TM2D1: variants seen among roughly 807,000 people sequenced by gnomAD.
TM2D1 encodes TM2 domain containing 1, also known as TM2 domain-containing protein 1.
In TM2D1, 15 loss-of-function variants were observed where a neutral mutation model predicts 28.4. The ratio of observed to expected loss-of-function variants is 0.53; its 90% CI spans 0.35 to 0.81. The LOEUF (loss-of-function observed/expected upper bound fraction) is 0.81. TM2D1 is among the 40% of genes least tolerant of loss of function. The pLI is 0.01. For synonymous variants in TM2D1, 93 were observed against 96.2 expected, an observed-to-expected ratio of 0.97 and a Z score of 0.20; for missense variants, 236 against 254.9, an observed-to-expected ratio of 0.93 and a Z score of 0.50.
intron 3 of TM2D1, among the ~76,000 whole-genome samples, chr1:61,703,058 A>G (rs950444307): frequency 6.6e-6 from 1 of 151,598 alleles, no homozygotes; most frequent in Admixed American, 6.6e-5. Context: ...GTGAGCCAAG[A>G]TCACGCCATT....
chr1:61,683,452 G>T lies in TM2D1; in HGVS notation c.608C>A (p.Thr203Lys), dbSNP rs377583831. The change falls in exon 6 of 7, where the codon ACG becomes AAG. Residue 203 changes from threonine to lysine, a missense_variant. Around this residue, in one of 3 missense-constraint regions of TM2D1, gnomAD observed 64 missense variants for 73.1 expected, o/e 0.88. Coordinates refer to ENST00000606498, the MANE Select transcript of TM2D1 (RefSeq NM_032027.3). ...AAAAAATATTTATGGATATAATTGC[G>T]TTTTTCTAAATGTTTCATTAGTAAT... The part of the protein sequence containing the change: ...LSITNETFRK[T>K]QLYP 5 of 1,432,954 alleles carry T rather than the reference G, an allele frequency of 3.5e-6. No homozygotes were observed. Among genetic ancestry groups the T allele is most frequent in the Middle Eastern group, 2.0e-4 (1 of 5,068 alleles). The allele number at this position is 1,432,954 out of a possible 1,614,324, so 88.8% of individuals were successfully genotyped here. A position where few individuals can be genotyped will look rare whatever the true frequency, so the allele number is the denominator to read the frequency against.
At chr1:61,723,678 AATT>A in intron 2 of TM2D1, 32 bp downstream of exon 2, 1 of 1,223,106 alleles carries the variant, frequency 8.2e-7, no homozygotes, top group Non-Finnish European at 1.1e-6. Flanking sequence ...ATGTTTTTAA[AATT>A]ATTTTTAAAG....
chr1:61,705,544 T>G (rs1644434472), intron 3 of TM2D1, among the ~76,000 whole-genome samples: 1 of 152,142 alleles, frequency 6.6e-6, no homozygotes. Flanking sequence ...CACCTTGCAG[T>G]TAAGTGCAGC....
At chr1:61,724,771 G>C in intron 1 of TM2D1, 186 bp downstream of exon 1, 1 of 546,276 alleles carries the variant, frequency 1.8e-6, no homozygotes, top group Non-Finnish European at 2.9e-6. Context: ...AAATCACAAA[G>C]GGTGGCCTCT....
intron 2 of TM2D1, among the ~76,000 whole-genome samples, chr1:61,710,491 C>CAT (rs1209693616): frequency 1.1e-5 from 1 of 88,910 alleles, no homozygotes; most frequent in African/African-American, 4.8e-5. Context: ...CACACACACA[C>CAT]ATATACACAC....
At chr1:61,701,830 T>C (rs1570109666) in intron 3 of TM2D1, among the ~76,000 whole-genome samples, 2 of 151,716 alleles carry the variant, frequency 1.3e-5, no homozygotes, top group South Asian at 4.1e-4. Flanking sequence ...GTGAACAAAA[T>C]TGGGAAATAC....
intron 3 of TM2D1, among the ~76,000 whole-genome samples, chr1:61,706,680 T>C (rs1339419849): frequency 6.6e-6 from 1 of 151,690 alleles, no homozygotes; most frequent in Non-Finnish European, 1.5e-5. Flanking sequence ...TGGTGGCACA[T>C]GCCTGTAATC....
At chr1:61,711,554 G>A (rs1190655428) in intron 2 of TM2D1, among the ~76,000 whole-genome samples, 12 of 151,790 alleles carry the variant, frequency 7.9e-5, no homozygotes. Context: ...GGCAGGACTG[G>A]GAGGTCAAGG....
intron 3 of TM2D1, 70 bp from the exon 4 acceptor site, chr1:61,701,095 C>G: frequency 8.5e-7 from 1 of 1,180,374 alleles, no homozygotes; most frequent in Non-Finnish European, 1.2e-6. Flanking sequence ...TTATTAACTA[C>G]TACTTGTTAA....
chr1:61,703,383 T>TTA (rs2148051019), intron 3 of TM2D1, among the ~76,000 whole-genome samples: 1 of 146,908 alleles, frequency 6.8e-6, no homozygotes, highest in East Asian at 2.0e-4. Flanking sequence ...CTAGTATATA[T>TTA]TATATATACA....
At chr1:61,683,349 A>G (rs183301456) in intron 6 of TM2D1, 68 bp downstream of exon 6, 1 of 527,276 alleles carries the variant, frequency 1.9e-6, no homozygotes, top group East Asian at 3.8e-5. Flanking sequence ...TATGGTCCTA[A>G]AATTCTCATA....
At chr1:61,717,197 C>G (rs1467328582) in intron 2 of TM2D1, among the ~76,000 whole-genome samples, 1 of 123,090 alleles carries the variant, frequency 8.1e-6, no homozygotes, top group Non-Finnish European at 1.6e-5. Context: ...AAATACAAAA[C>G]AAAACAAAAA....
intron 2 of TM2D1, among the ~76,000 whole-genome samples, chr1:61,713,092 C>T (rs1644490018): frequency 6.6e-6 from 1 of 151,584 alleles, no homozygotes; most frequent in African/African-American, 2.4e-5. Flanking sequence ...ATCGCTTGAA[C>T]CCAGGAGGCA....
chr1:61,682,984 T>C (rs1459374257), intron 6 of TM2D1, among the ~76,000 whole-genome samples: 3 of 152,046 alleles, frequency 2.0e-5, no homozygotes, highest in Non-Finnish European at 4.4e-5. Flanking sequence ...AAGAAGCACT[T>C]ACAGGGAATT....
rs1314450619 is a variant in TM2D1, at chr1:61,709,321, G to A, written c.347+8C>T. On this transcript the variant is annotated splice_region_variant and intron_variant, in intron 3 of 6. Transcript: ENST00000606498. Reference sequence around the variant, plus strand: ...ATCTGAAAATTTAAGTTTCAGTAATGTACTTACACATTTCGGCAAGATATG... The same window carrying A: ...ATCTGAAAATTTAAGTTTCAGTAATATACTTACACATTTCGGCAAGATATG... 1 of 1,570,386 alleles carries A rather than the reference G, an allele frequency of 6.4e-7. No homozygotes were observed.
chr1:61,690,331 C>A (rs913636264), intron 5 of TM2D1, among the ~76,000 whole-genome samples: 1 of 151,688 alleles, frequency 6.6e-6, no homozygotes, highest in African/African-American at 2.4e-5. Flanking sequence ...GTGGTTGGCA[C>A]CTGTAATCCT....
intron 5 of TM2D1, among the ~76,000 whole-genome samples, chr1:61,686,029 C>T (rs6670985): frequency 0.042 from 6,322 of 151,944 alleles, 452 homozygotes; most frequent in African/African-American, 0.14. Flanking sequence ...CAAATTAAGT[C>T]GGTGTGGTAA....
At chr1:61,708,093 G>T (rs1036508199) in intron 3 of TM2D1, among the ~76,000 whole-genome samples, 6 of 152,104 alleles carry the variant, frequency 3.9e-5, no homozygotes, top group Non-Finnish European at 7.3e-5. Context: ...TAGAGACAGG[G>T]TCTCTACTCT....
intron 3 of TM2D1, among the ~76,000 whole-genome samples, chr1:61,701,531 A>G (rs1486380708): frequency 6.7e-6 from 1 of 149,316 alleles, no homozygotes; most frequent in East Asian, 2.0e-4. Context: ...TTCATCAAGT[A>G]AGATCCCTGC....
Sources: gnomAD v4.1 joint callset for allele counts (sites outside exome capture counted in the v4.1 genomes callset) on GRCh38, gnomAD v4.1.1 for gene constraint, gnomAD v4.1.1 regional missense constraint, MANE v1.5 for transcripts, NCBI Gene and HGNC (gene_info 2026-07-23, HGNC 2026-07-21) for gene names.